The following PRKG1 variants were observed in gnomAD, a reference collection of about 807,000 sequenced individuals.
PRKG1 encodes the protein protein kinase cGMP-dependent 1, also known as cGMP-dependent protein kinase 1.
A neutral mutation model predicts 88.1 loss-of-function variants in PRKG1; 35 were observed. That is an observed-to-expected ratio of 0.40 (90% CI 0.30 to 0.53). PRKG1 has a LOEUF of 0.53. Among genes scored for constraint, PRKG1 ranks in the 20% least tolerant of loss-of-function variants. The pLI is 0.59. For synonymous variants in PRKG1, 303 were observed against 292.5 expected, an observed-to-expected ratio of 1.04 and a Z score of -0.37; for missense variants, 540 against 839.8, an observed-to-expected ratio of 0.64 and a Z score of 4.41.
intron 1 of PRKG1, among the ~76,000 whole-genome samples, chr10:51,003,920 TAATTCC>T (rs1842914807): frequency 6.6e-6 from 1 of 152,336 alleles, no homozygotes; most frequent in African/African-American, 2.4e-5. Context: ...TATGGAATAG[TAATTCC>T]ATAGTATTCA....
intron 2 of PRKG1, among the ~76,000 whole-genome samples, chr10:51,222,759 G>A (rs2132093882): frequency 6.6e-6 from 1 of 152,102 alleles, no homozygotes; most frequent in Non-Finnish European, 1.5e-5. Context: ...CATGAGAAGA[G>A]GCCCTGACGG....
intron 3 of PRKG1, among the ~76,000 whole-genome samples, chr10:51,640,397 T>C (rs1287058646): frequency 6.6e-6 from 1 of 152,184 alleles, no homozygotes; most frequent in African/African-American, 2.4e-5. Flanking sequence ...TAAAAAAAAT[T>C]GGTTTTTCAA....
chr10:51,442,135 G>A (rs926398920), intron 2 of PRKG1, among the ~76,000 whole-genome samples: 3 of 151,360 alleles, frequency 2.0e-5, no homozygotes, highest in Admixed American at 2.0e-4. Context: ...TGATTATTGT[G>A]AAATAGAAAG....
intron 3 of PRKG1, among the ~76,000 whole-genome samples, chr10:51,547,485 T>C (rs1246843634): frequency 6.6e-6 from 1 of 152,148 alleles, no homozygotes; most frequent in Non-Finnish European, 1.5e-5. Flanking sequence ...GAGGCTGTCC[T>C]TATGGAACAT....
chr10:51,209,031 A>T (rs1838141587), intron 2 of PRKG1, among the ~76,000 whole-genome samples: 2 of 152,184 alleles, frequency 1.3e-5, no homozygotes, highest in African/African-American at 4.8e-5. Flanking sequence ...AATGGGTCTT[A>T]AAAATCAACT....
At chr10:51,998,128 G>A (rs180947324) in intron 5 of PRKG1, among the ~76,000 whole-genome samples, 1 of 152,158 alleles carries the variant, frequency 6.6e-6, no homozygotes, top group African/African-American at 2.4e-5. Context: ...AATTTATCCG[G>A]ACTCTTGATC....
At chr10:51,243,980 G>A (rs987622514) in intron 2 of PRKG1, among the ~76,000 whole-genome samples, 1 of 152,176 alleles carries the variant, frequency 6.6e-6, no homozygotes, top group African/African-American at 2.4e-5. Context: ...CCTAACAAAT[G>A]TAACAAACGA....
chr10:51,541,811 A>T (rs1842310766), intron 3 of PRKG1, among the ~76,000 whole-genome samples: 1 of 152,178 alleles, frequency 6.6e-6, no homozygotes, highest in Non-Finnish European at 1.5e-5. Context: ...TTTAACTGAT[A>T]CCTAGGTTCA....
intron 1 of PRKG1, among the ~76,000 whole-genome samples, chr10:51,101,022 T>C (rs752369253): frequency 1.1e-4 from 17 of 152,154 alleles, no homozygotes; most frequent in Non-Finnish European, 2.1e-4. Flanking sequence ...TCTGGCTTGG[T>C]TCTCATCCCT....
intron 3 of PRKG1, among the ~76,000 whole-genome samples, chr10:51,677,870 T>C (rs1239971755): frequency 2.8e-4 from 42 of 152,140 alleles, no homozygotes; most frequent in Non-Finnish European, 2.9e-5. Context: ...GGCAGGAGCA[T>C]AGGTGAGATA....
chr10:51,597,550 A>G (rs1410755616), intron 3 of PRKG1, among the ~76,000 whole-genome samples: 1 of 152,222 alleles, frequency 6.6e-6, no homozygotes, highest in Non-Finnish European at 1.5e-5. Flanking sequence ...TTTAAATCAC[A>G]TTGAATGAAG....
intron 3 of PRKG1, among the ~76,000 whole-genome samples, chr10:51,572,893 A>G (rs1837793629): frequency 6.6e-6 from 1 of 151,874 alleles, no homozygotes; most frequent in Non-Finnish European, 1.5e-5. Flanking sequence ...AATTAAACTC[A>G]ACTGTGTCCA....
Position 51,361,456 on chromosome 10 carries a change from G to T in PRKG1, c.479-106267G>T, listed in dbSNP as rs565190367. Among the ~76,000 whole-genome samples, 10 of 152,000 alleles carry T rather than the reference G, an allele frequency of 6.6e-5. No individual in the cohort carries two copies. In the South Asian group the frequency reaches 2.1e-3, roughly 32 times the overall value. ...CTTAAATTAGTAAAATATTGGCTGAGAATTGCTCCAGCCTCTGAGTCATGG... is the reference window on the plus strand; with the variant it reads ...CTTAAATTAGTAAAATATTGGCTGATAATTGCTCCAGCCTCTGAGTCATGG... On this transcript the variant is annotated intron_variant, in intron 2 of 17. Coordinates refer to ENST00000373980, the MANE Select transcript of PRKG1 (RefSeq NM_006258.4).
At chr10:51,456,316 T>A (rs554452903) in intron 2 of PRKG1, among the ~76,000 whole-genome samples, 11 of 152,190 alleles carry the variant, frequency 7.2e-5, no homozygotes, top group African/African-American at 2.6e-4. Flanking sequence ...AAGATGAGAT[T>A]TGGGTGAGGA....
chr10:51,278,986 C>A (rs1273695862), intron 2 of PRKG1, among the ~76,000 whole-genome samples: 1 of 151,894 alleles, frequency 6.6e-6, no homozygotes, highest in African/African-American at 2.4e-5. Context: ...TTATTTCTTG[C>A]CTTCTGCTAG....
chr10:51,309,221 AACC>A (rs948137287), intron 2 of PRKG1, among the ~76,000 whole-genome samples: 8 of 152,186 alleles, frequency 5.3e-5, no homozygotes, highest in African/African-American at 1.9e-4. Context: ...ATATCTTAGT[AACC>A]AACACAAGTG....
chr10:51,233,114 A>G (rs919971282), intron 2 of PRKG1, among the ~76,000 whole-genome samples: 3 of 152,200 alleles, frequency 2.0e-5, no homozygotes, highest in African/African-American at 7.2e-5. Flanking sequence ...AGATGGAAAG[A>G]GCAGGCAAAG....
At chr10:52,056,674 A>T (rs1230337605) in intron 6 of PRKG1, among the ~76,000 whole-genome samples, 3 of 152,120 alleles carry the variant, frequency 2.0e-5, no homozygotes, top group African/African-American at 7.2e-5. Flanking sequence ...ACCAGACATA[A>T]ATTTCTACTA....
chr10:51,396,423 C>G (rs913736224), intron 2 of PRKG1, among the ~76,000 whole-genome samples: 8 of 151,304 alleles, frequency 5.3e-5, no homozygotes, highest in Non-Finnish European at 1.5e-5. Context: ...GAAAGGGATA[C>G]AAGTTGTATT....
Sources: allele counts gnomAD v4.1 joint callset (sites outside exome capture counted in the v4.1 genomes callset), GRCh38; gene constraint gnomAD v4.1.1; transcripts MANE v1.5; gene names NCBI Gene and HGNC (gene_info 2026-07-23, HGNC 2026-07-21).